The following ZBTB20 variants were observed in gnomAD, a reference collection of about 807,000 sequenced individuals.
The protein encoded by ZBTB20 is zinc finger and BTB domain containing 20.
Under a neutral mutation model 56.9 loss-of-function variants are expected in ZBTB20, and 9 were observed. The ratio of observed to expected loss-of-function variants is 0.16; its 90% CI spans 0.10 to 0.28. The LOEUF (loss-of-function observed/expected upper bound fraction) is 0.28, where lower values mean the gene tolerates loss of function less well. Among genes scored for constraint, ZBTB20 ranks in the 10% least tolerant of loss-of-function variants. ZBTB20 has a pLI of 1.00. For synonymous variants in ZBTB20, 417 were observed against 420.7 expected, an observed-to-expected ratio of 0.99 and a Z score of 0.11; for missense variants, 655 against 1,003.0, an observed-to-expected ratio of 0.65 and a Z score of 4.69.
At chr3:114,742,400 A>G (rs1465923018) in intron 5 of ZBTB20, among the ~76,000 whole-genome samples, 2 of 152,198 alleles carry the variant, frequency 1.3e-5, no homozygotes, top group African/African-American at 4.8e-5. Context: ...CCTCCATTTC[A>G]TAAATTAAAG....
intron 5 of ZBTB20, among the ~76,000 whole-genome samples, chr3:114,712,835 G>C (rs1174622479): frequency 6.6e-6 from 1 of 152,100 alleles, no homozygotes; most frequent in East Asian, 1.9e-4. Flanking sequence ...TATCCATCAT[G>C]GTTATAGTAC....
chr3:115,074,297 G>A (rs906105403), intron 1 of ZBTB20, among the ~76,000 whole-genome samples: 5 of 152,112 alleles, frequency 3.3e-5, no homozygotes, highest in South Asian at 2.1e-4. Context: ...AATGTAAAAG[G>A]TATTCATTAA....
chr3:115,101,117 T>C (rs1195104756), intron 1 of ZBTB20, among the ~76,000 whole-genome samples: 1 of 152,248 alleles, frequency 6.6e-6, no homozygotes, highest in Non-Finnish European at 1.5e-5. Flanking sequence ...CAATGTACTC[T>C]GTGTGAACAG....
intron 5 of ZBTB20, among the ~76,000 whole-genome samples, chr3:114,762,362 C>T (rs1560220236): frequency 6.6e-6 from 1 of 152,186 alleles, no homozygotes; most frequent in Admixed American, 6.6e-5. Context: ...TCCGGGCACT[C>T]TGATGCCCTC....
rs75748733 is a variant in ZBTB20 at position 115,135,467 on chromosome 3, G to A, written c.-703+11752C>T. Among the ~76,000 whole-genome samples, 529 of 152,178 alleles carry A rather than the reference G, an allele frequency of 3.5e-3. 3 individuals are homozygous for A. The highest frequency in any genetic ancestry group is 0.01 in the Middle Eastern group (3 of 294). ...TCTGCATGCTCTTTAGATTGAAATC[G>A]TGAAATACACTCCAGCTATTAATCA... On this transcript the variant is annotated intron_variant, in intron 1 of 11. Coordinates refer to ENST00000675478, the MANE Select transcript of ZBTB20 (RefSeq NM_001348800.3).
chr3:114,585,934 C>T (rs2055134836), intron 6 of ZBTB20, among the ~76,000 whole-genome samples: 1 of 152,202 alleles, frequency 6.6e-6, no homozygotes, highest in African/African-American at 2.4e-5. Context: ...GAAGGCTTAG[C>T]AGAGCCAAAA....
At chr3:114,957,796 T>C (rs1047047371) in intron 3 of ZBTB20, among the ~76,000 whole-genome samples, 1 of 152,158 alleles carries the variant, frequency 6.6e-6, no homozygotes, top group Admixed American at 6.6e-5. Context: ...GAGAAGCAAG[T>C]GTTTCTAAGT....
chr3:114,368,350 T>C (rs1277088534), intron 10 of ZBTB20, among the ~76,000 whole-genome samples: 2 of 152,148 alleles, frequency 1.3e-5, no homozygotes, highest in Admixed American at 6.6e-5. Context: ...CCAGTCTTAG[T>C]CCATTAGCAA....
At chr3:114,477,295 T>C (rs886808680) in intron 7 of ZBTB20, among the ~76,000 whole-genome samples, 1 of 152,146 alleles carries the variant, frequency 6.6e-6, no homozygotes, top group Admixed American at 6.5e-5. Context: ...ATATTGGCCT[T>C]ACTGGGCTAC....
chr3:114,767,952 A>G (rs2068900449), intron 5 of ZBTB20, among the ~76,000 whole-genome samples: 1 of 152,138 alleles, frequency 6.6e-6, no homozygotes, highest in Non-Finnish European at 1.5e-5. Context: ...CATATTTACA[A>G]ATACATATAA....
rs536231615 is a variant in ZBTB20 at position 115,129,111 on chromosome 3, A to C, written c.-703+18108T>G. Among the ~76,000 whole-genome samples the C allele has an allele frequency of 3.3e-5, 5 of 152,250 alleles. No individual in the cohort carries two copies. The South Asian group carries it at 1.0e-3, about 32-fold the overall frequency. ...GAGACTCCGTCTCAAAAAAAAAAAGATCTCTCTTTTCAGCTTTCTTATAAC... is the reference window on the plus strand; with the variant it reads ...GAGACTCCGTCTCAAAAAAAAAAAGCTCTCTCTTTTCAGCTTTCTTATAAC... On this transcript the variant is annotated intron_variant, in intron 1 of 11. Transcript: ENST00000675478.
At chr3:115,137,609 C>G (rs1355263394) in intron 1 of ZBTB20, among the ~76,000 whole-genome samples, 1 of 152,062 alleles carries the variant, frequency 6.6e-6, no homozygotes, top group Non-Finnish European at 1.5e-5. Context: ...CTGTATTCCA[C>G]TCAAAGCATA....
intron 1 of ZBTB20, among the ~76,000 whole-genome samples, chr3:115,133,273 C>A (rs2084560057): frequency 6.6e-6 from 1 of 152,112 alleles, no homozygotes; most frequent in South Asian, 2.1e-4. Context: ...AAATTTGTCA[C>A]ACAGCTACAT....
At chr3:115,053,797 A>G (rs2081644909) in intron 2 of ZBTB20, among the ~76,000 whole-genome samples, 1 of 152,070 alleles carries the variant, frequency 6.6e-6, no homozygotes, top group Admixed American at 6.6e-5. Context: ...AACTTCTAGG[A>G]GATGTAAGAT....
chr3:114,472,363 T>G (rs1265477457), intron 7 of ZBTB20, among the ~76,000 whole-genome samples: 1 of 152,180 alleles, frequency 6.6e-6, no homozygotes, highest in Non-Finnish European at 1.5e-5. Context: ...TTCATCTAAC[T>G]GGGTCCTCCC....
rs1356456952 is a variant in ZBTB20 at position 114,707,746 on chromosome 3, CT to C, written c.-342-14172del. 3.3e-5 allele frequency among the ~76,000 whole-genome samples: 5 copies of C among 152,136 alleles called. No individual in the cohort carries two copies. In the East Asian group the frequency reaches 9.6e-4, roughly 29 times the overall value. On this transcript the variant is annotated intron_variant, in intron 5 of 11. Transcript: ENST00000675478. Reference sequence around the variant, plus strand: ...ATTTGCCTGGGCAGGAATTTGAGTTCTCTATATTATTCTGGAGTTAAAACAG... The same window carrying C: ...ATTTGCCTGGGCAGGAATTTGAGTTCCTATATTATTCTGGAGTTAAAACAG...
intron 5 of ZBTB20, among the ~76,000 whole-genome samples, chr3:114,712,677 C>A (rs1299469690): frequency 6.7e-6 from 1 of 149,930 alleles, no homozygotes; most frequent in East Asian, 2.0e-4. Flanking sequence ...AAAAAGAGTT[C>A]AGTTTGTTCA....
At chr3:114,812,243 G>A (rs1054515547) in intron 4 of ZBTB20, among the ~76,000 whole-genome samples, 1 of 152,144 alleles carries the variant, frequency 6.6e-6, no homozygotes, top group African/African-American at 2.4e-5. Flanking sequence ...TGGTAGAGCT[G>A]AGTGGTCTGT....
chr3:114,943,174 A>G (rs1412777385), intron 3 of ZBTB20, among the ~76,000 whole-genome samples: 1 of 145,754 alleles, frequency 6.9e-6, no homozygotes, highest in Non-Finnish European at 1.5e-5. Context: ...TATAAAACTA[A>G]GGGAAAACCA....
Sources: allele counts gnomAD v4.1 joint callset (sites outside exome capture counted in the v4.1 genomes callset), GRCh38; gene constraint gnomAD v4.1.1; transcripts MANE v1.5; gene names NCBI Gene and HGNC (gene_info 2026-07-23, HGNC 2026-07-21).